The following GRIP1 variants were observed in gnomAD, a reference collection of about 807,000 sequenced individuals.
GRIP1 encodes the protein glutamate receptor-interacting protein 1.
Under a neutral mutation model 129.9 loss-of-function variants are expected in GRIP1, and 45 were observed. That is an observed-to-expected ratio of 0.35 (90% CI 0.27 to 0.44). The LOEUF (loss-of-function observed/expected upper bound fraction) is 0.44. GRIP1 is among the 20% of genes least tolerant of loss of function. GRIP1 has a pLI of 1.00. For synonymous variants in GRIP1, 530 were observed against 520.8 expected (o/e 1.02, Z -0.24); for missense variants, 1,196 against 1,396.8 (o/e 0.86, Z 2.29).
At chr12:66,430,624 T>C (rs1437970259) in intron 14 of GRIP1, among the ~76,000 whole-genome samples, 2 of 152,204 alleles carry the variant, frequency 1.3e-5, no homozygotes, top group Admixed American at 6.6e-5. Flanking sequence ...AATTAGCATA[T>C]AAATGTCTAC....
In GRIP1 at chr12:66,435,795, A is replaced by G. The variant is rs2058286608; in HGVS notation, c.1688-3167T>C. Among the ~76,000 whole-genome samples, 3 of 152,240 alleles carry G rather than the reference A, an allele frequency of 2.0e-5. No homozygotes were observed. The South Asian group carries it at 6.2e-4, about 31-fold the overall frequency. On this transcript the variant is annotated intron_variant, in intron 13 of 24. Transcript: ENST00000359742. ...TATTATCACTTCCTGGAAAACAGTAATGAATCACTTCTGACTACATGAGAT... is the reference window on the plus strand; with the variant it reads ...TATTATCACTTCCTGGAAAACAGTAGTGAATCACTTCTGACTACATGAGAT...
chr12:66,749,459 T>G (rs1205127852), intron 1 of GRIP1, among the ~76,000 whole-genome samples: 1 of 152,236 alleles, frequency 6.6e-6, no homozygotes, highest in African/African-American at 2.4e-5. Context: ...AGCAAACTGA[T>G]GAGGCTATTT....
At chr12:66,548,104 T>G (rs75440764) in intron 2 of GRIP1, among the ~76,000 whole-genome samples, 8,968 of 152,234 alleles carry the variant, frequency 0.059, 332 homozygotes, top group East Asian at 0.11. Flanking sequence ...GCAGCTAGAA[T>G]TGAGGAACTA....
At chr12:66,533,181 G>C (rs2061505348) in intron 4 of GRIP1, among the ~76,000 whole-genome samples, 2 of 151,974 alleles carry the variant, frequency 1.3e-5, no homozygotes, top group Admixed American at 6.5e-5. Flanking sequence ...CACTGCTCTA[G>C]ACCAAATTTT....
At chr12:67,045,928 C>T (rs560963607) in intron 1 of GRIP1, among the ~76,000 whole-genome samples, 1 of 152,156 alleles carries the variant, frequency 6.6e-6, no homozygotes, top group African/African-American at 2.4e-5. Context: ...CCTGAGAAGG[C>T]GGATTCCTTA....
intron 1 of GRIP1, among the ~76,000 whole-genome samples, chr12:66,846,803 A>G (rs1385694020): frequency 6.6e-6 from 1 of 152,166 alleles, no homozygotes; most frequent in Admixed American, 6.5e-5. Context: ...CATGTGGGGA[A>G]ACACCTGGGT....
chr12:66,406,723 C>T (rs1191119265), intron 15 of GRIP1, among the ~76,000 whole-genome samples: 5 of 152,088 alleles, frequency 3.3e-5, no homozygotes, highest in Non-Finnish European at 5.9e-5. Context: ...AGGTAATGGG[C>T]GAGGGTCTGC....
intron 1 of GRIP1, among the ~76,000 whole-genome samples, chr12:66,792,865 C>T (rs1426456874): frequency 6.6e-6 from 1 of 152,090 alleles, no homozygotes; most frequent in Non-Finnish European, 1.5e-5. Flanking sequence ...ACTAAGAGTT[C>T]CCTGACCACT....
chr12:67,036,186 CAA>C (rs1193635029), intron 1 of GRIP1, among the ~76,000 whole-genome samples: 2 of 151,998 alleles, frequency 1.3e-5, no homozygotes, highest in Non-Finnish European at 2.9e-5. Context: ...AACTCATCGA[CAA>C]AAAAACTTAG....
At chr12:66,844,371 G>A (rs945822473) in intron 1 of GRIP1, among the ~76,000 whole-genome samples, 7 of 152,126 alleles carry the variant, frequency 4.6e-5, no homozygotes, top group Non-Finnish European at 7.4e-5. Context: ...TTAGGAATAC[G>A]CAAATCAAAA....
chr12:66,991,535 A>G (rs2042394480), intron 1 of GRIP1, among the ~76,000 whole-genome samples: 1 of 152,246 alleles, frequency 6.6e-6, no homozygotes, highest in Admixed American at 6.5e-5. Context: ...TAATCAAAAT[A>G]CTTTATTCAT....
At chr12:66,678,800 T>C (rs772252687) in intron 1 of GRIP1, 50 bp downstream of exon 1, 2 of 1,524,030 alleles carry the variant, frequency 1.3e-6, no homozygotes, top group Non-Finnish European at 1.8e-6. Flanking sequence ...ACTGTGTTTA[T>C]AGGATACTGC....
intron 2 of GRIP1, among the ~76,000 whole-genome samples, chr12:66,579,701 T>C (rs1023395008): frequency 6.6e-5 from 10 of 151,830 alleles, no homozygotes; most frequent in South Asian, 2.1e-4. Flanking sequence ...AAGGGAAGTT[T>C]AGAGAAAAAA....
chr12:66,668,748 T>C (rs1241810318), intron 1 of GRIP1, among the ~76,000 whole-genome samples: 1 of 151,240 alleles, frequency 6.6e-6, no homozygotes, highest in African/African-American at 2.4e-5. Context: ...CATAGGGACA[T>C]AGGGAGACCT....
intron 1 of GRIP1, among the ~76,000 whole-genome samples, chr12:66,629,889 A>G (rs1255247244): frequency 1.3e-5 from 2 of 152,152 alleles, no homozygotes. Flanking sequence ...AAAGACCCAC[A>G]AGCCAGTTTT....
At chr12:66,445,184 A>G in intron 12 of GRIP1, 138 bp downstream of exon 12, 1 of 785,864 alleles carries the variant, frequency 1.3e-6, no homozygotes, top group South Asian at 1.5e-5. Context: ...AGAACATAAA[A>G]TTTTATTGTC....
chr12:66,677,053 T>C (rs2034371104), intron 1 of GRIP1, among the ~76,000 whole-genome samples: 1 of 152,180 alleles, frequency 6.6e-6, no homozygotes, highest in Non-Finnish European at 1.5e-5. Context: ...GCAAAGAGAT[T>C]TTATTTTAAT....
intron 22 of GRIP1, among the ~76,000 whole-genome samples, chr12:66,372,625 C>T (rs1290272700): frequency 1.3e-5 from 2 of 152,098 alleles, no homozygotes; most frequent in Non-Finnish European, 2.9e-5. Flanking sequence ...TTTTTGCTCA[C>T]AAGCAGTAGG....
At chr12:66,652,512 G>A (rs1359206668) in intron 1 of GRIP1, among the ~76,000 whole-genome samples, 2 of 152,186 alleles carry the variant, frequency 1.3e-5, no homozygotes, top group African/African-American at 2.4e-5. Context: ...CTAATACAGG[G>A]AGAAAACAAG....
Sources: gnomAD v4.1 joint callset for allele counts (sites outside exome capture counted in the v4.1 genomes callset) on GRCh38, gnomAD v4.1.1 for gene constraint, MANE v1.5 for transcripts, NCBI Gene and HGNC (gene_info 2026-07-23, HGNC 2026-07-21) for gene names.